SORL1: variants seen among roughly 807,000 people sequenced by gnomAD.
SORL1 encodes sortilin related receptor 1.
In SORL1, 127 loss-of-function variants were observed where a neutral mutation model predicts 273.7. The ratio of observed to expected loss-of-function variants is 0.46; its 90% CI spans 0.40 to 0.54. The LOEUF is 0.54. Among genes scored for constraint, SORL1 ranks in the 20% least tolerant of loss-of-function variants. The pLI is 0.00. For missense variants in SORL1, 2,494 were observed against 2,846.1 expected (o/e 0.88, Z 2.81); for synonymous variants, 1,031 against 1,067.4 (o/e 0.97, Z 0.66).
At chr11:121,487,721 C>T (rs662821) in intron 3 of SORL1, among the ~76,000 whole-genome samples, 55,829 of 151,948 alleles carry the variant, frequency 0.37, 10,614 homozygotes, top group East Asian at 0.54. Flanking sequence ...GTGGGAATTG[C>T]TAATTTCATT....
chr11:121,559,576 A>G lies in SORL1; in HGVS notation c.2968A>G (p.Ser990Gly), dbSNP rs1239728674. The change falls in exon 21 of 48, where the codon AGT becomes GGT. Residue 990 changes from serine (S) to glycine (G), a missense_variant. By Grantham distance (56) the Ser-to-Gly change is moderately conservative. Coordinates refer to ENST00000260197, the MANE Select transcript of SORL1 (RefSeq NM_003105.6). ...CAGCATATTCCGAGCTTCCAAATAC[A>G]GTGGGTCCCAGATGGAGATTCTGGC... ...QLSIFRASKYSGSQMEILANQ... is the reference protein window; with the variant it reads ...QLSIFRASKYGGSQMEILANQ... 2.5e-6 allele frequency: 4 copies of G among 1,614,134 alleles called. No homozygotes were observed. The highest frequency in any genetic ancestry group is 2.2e-5 in the South Asian group (2 of 91,088).
chr11:121,629,808 A>C lies in SORL1; in HGVS notation c.*245A>C. ...TTTGATTTGACATTAATGTAGTCTT[A>C]CAGGGCTGTGCTTGCTGGGCATGCT... On this transcript the variant is annotated 3_prime_UTR_variant, in exon 48 of 48. Transcript: ENST00000260197. 1 of 485,106 alleles carries C rather than the reference A, an allele frequency of 2.1e-6. No individual in the cohort carries two copies. The highest frequency in any genetic ancestry group is 3.7e-6 in the Non-Finnish European group (1 of 273,766). The allele number at this position is 485,106 out of a possible 1,614,324, so 30.1% of individuals were successfully genotyped here.
intron 17 of SORL1, 93 bp from the exon 18 acceptor site, chr11:121,555,094 C>G: frequency 7.5e-7 from 1 of 1,336,684 alleles, no homozygotes; most frequent in Non-Finnish European, 1.0e-6. Context: ...GCCAGTCCTG[C>G]CAGTTGAATA....
chr11:121,496,861 T>TC lies in SORL1; in HGVS notation c.759-7dup. The stretch of plus-strand genomic sequence containing the variant: ...AATGATAACAACCTTTTTTTTTTTT[T>TC]CTGCCAGGGGAATTGATCCCTATGA... On this transcript the variant is annotated splice_polypyrimidine_tract_variant and splice_region_variant and intron_variant, in intron 5 of 47. Transcript: ENST00000260197. The TC allele has an allele frequency of 1.3e-6, 2 of 1,569,992 alleles. No individual in the cohort carries two copies. The highest frequency in any genetic ancestry group is 8.6e-7 in the Non-Finnish European group (1 of 1,162,406).
intron 8 of SORL1, among the ~76,000 whole-genome samples, chr11:121,518,400 G>T (rs942995244): frequency 6.6e-6 from 1 of 152,196 alleles, no homozygotes; most frequent in Non-Finnish European, 1.5e-5. Context: ...GACTTCTGGT[G>T]AAGGAGCATG....
intron 32 of SORL1, among the ~76,000 whole-genome samples, chr11:121,598,185 G>A (rs1220994896): frequency 1.3e-5 from 2 of 152,118 alleles, no homozygotes; most frequent in African/African-American, 2.4e-5. Context: ...CATCATGGGG[G>A]GAATGGGTTA....
chr11:121,583,369 T>C (rs1037171249), intron 25 of SORL1, 89 bp from the exon 26 acceptor site: 15 of 1,448,654 alleles, frequency 1.0e-5, no homozygotes, highest in Non-Finnish European at 1.4e-5. Flanking sequence ...TCCTACCTCA[T>C]GCAAACCTCT....
At chr11:121,522,750 T>C (rs1565323723) in intron 10 of SORL1, 47 bp downstream of exon 10, 4 of 1,498,102 alleles carry the variant, frequency 2.7e-6, no homozygotes, top group Non-Finnish European at 1.9e-6. Flanking sequence ...TGTCTGGTGA[T>C]GTGCAGGCCA....
chr11:121,626,310 G>C (rs911389119), intron 46 of SORL1: 2 of 152,206 alleles, frequency 1.3e-5, no homozygotes, highest in Non-Finnish European at 2.9e-5. Flanking sequence ...GAAGTGGGGT[G>C]GGGGAGGGAG....
chr11:121,518,537 C>T (rs1299237436), intron 8 of SORL1, among the ~76,000 whole-genome samples: 1 of 152,148 alleles, frequency 6.6e-6, no homozygotes, highest in Non-Finnish European at 1.5e-5. Flanking sequence ...AGAAGAAGCC[C>T]ATAACCAGTG....
Position 121,611,089 on chromosome 11 carries a change from A to G in SORL1, c.5253A>G (p.Pro1751=). The G allele has an allele frequency of 6.2e-7, 1 of 1,612,976 alleles. No individual in the cohort carries two copies. Among genetic ancestry groups the G allele is most frequent in the South Asian group, 1.1e-5 (1 of 91,060 alleles). The change falls in exon 39 of 48, where the codon CCA becomes CCG. Residue 1751 remains proline, a synonymous_variant. Transcript: ENST00000260197. ...TTTTGTTTTCAGTGATCCCACCACC[A>G]GATATCCACATTGACAGCTATGGTG... is the stretch of plus-strand genomic sequence containing the variant. ...TTIKGKVIPP[P]DIHIDSYGEN...
At chr11:121,461,310 T>C (rs907140752) in intron 1 of SORL1, among the ~76,000 whole-genome samples, 8 of 152,058 alleles carry the variant, frequency 5.3e-5, no homozygotes, top group Non-Finnish European at 1.0e-4. Context: ...CTTCAATCTC[T>C]AGAGGAGAAA....
At chr11:121,565,084 A>G (rs1432807781) in intron 21 of SORL1, among the ~76,000 whole-genome samples, 1 of 152,154 alleles carries the variant, frequency 6.6e-6, no homozygotes, top group Non-Finnish European at 1.5e-5. Flanking sequence ...TGTGCCCACT[A>G]ATGGATCAGA....
intron 8 of SORL1, among the ~76,000 whole-genome samples, chr11:121,516,366 A>G (rs1861951473): frequency 6.6e-6 from 1 of 152,168 alleles, no homozygotes; most frequent in Admixed American, 6.5e-5. Context: ...GTACGAAAGG[A>G]GGAGGAGCCA....
chr11:121,511,942 C>G (rs1241285084), intron 6 of SORL1, among the ~76,000 whole-genome samples: 1 of 152,178 alleles, frequency 6.6e-6, no homozygotes, highest in East Asian at 1.9e-4. Flanking sequence ...CCCAACATCT[C>G]AATATGTTTA....
intron 5 of SORL1, among the ~76,000 whole-genome samples, chr11:121,494,474 G>C (rs1428676384): frequency 6.6e-6 from 1 of 152,216 alleles, no homozygotes. Flanking sequence ...GGGGGCTGAG[G>C]GGACTCAAAG....
chr11:121,623,082 A>G lies in SORL1; in HGVS notation c.6171+814A>G, dbSNP rs560688052. Among the ~76,000 whole-genome samples, 5 of 152,376 alleles carry G rather than the reference A, an allele frequency of 3.3e-5. No homozygotes were observed. The South Asian group carries it at 8.3e-4, about 25-fold the overall frequency. ...ATAACTCTTGTAACTATGACATCTA[A>G]ATGGCTAATATCCTTAAATAGAAGG... On this transcript the variant is annotated intron_variant, in intron 45 of 47. Coordinates refer to ENST00000260197, the MANE Select transcript of SORL1 (RefSeq NM_003105.6).
chr11:121,586,780 G>A (rs1455339324), intron 27 of SORL1, among the ~76,000 whole-genome samples: 4 of 151,680 alleles, frequency 2.6e-5, no homozygotes, highest in South Asian at 2.1e-4. Flanking sequence ...ATTGCCTTGG[G>A]TCACTGGTGC....
chr11:121,583,809 A>G (rs764844334), intron 26 of SORL1, among the ~76,000 whole-genome samples: 8 of 152,252 alleles, frequency 5.3e-5, no homozygotes, highest in Non-Finnish European at 1.0e-4. Context: ...CCACACACAA[A>G]CTATATAAAA....
Sources: gnomAD v4.1 joint callset for allele counts (sites outside exome capture counted in the v4.1 genomes callset) on GRCh38, gnomAD v4.1.1 for gene constraint, MANE v1.5 for transcripts, NCBI Gene and HGNC (gene_info 2026-07-23, HGNC 2026-07-21) for gene names.